PALM2AKAP2: variants seen among roughly 807,000 people sequenced by gnomAD.
The protein encoded by PALM2AKAP2 is PALM2 and AKAP2 fusion.
In PALM2AKAP2, 37 loss-of-function variants were observed where a neutral mutation model predicts 71.5. The ratio of observed to expected loss-of-function variants is 0.52; its 90% CI spans 0.40 to 0.68. The LOEUF (loss-of-function observed/expected upper bound fraction) is 0.68, where lower values mean the gene tolerates loss of function less well. PALM2AKAP2 is among the 30% of genes least tolerant of loss of function. The pLI, the probability that PALM2AKAP2 is intolerant of heterozygous loss-of-function variation, is 0.00. For synonymous variants in PALM2AKAP2, 468 were observed against 478.8 expected (o/e 0.98, Z 0.29); for missense variants, 1,224 against 1,191.8 (o/e 1.03, Z -0.40).
chr9:110,124,235 T>C (rs1388900582), intron 1 of PALM2AKAP2, among the ~76,000 whole-genome samples: 1 of 152,204 alleles, frequency 6.6e-6, no homozygotes, highest in Non-Finnish European at 1.5e-5. Flanking sequence ...AGGACTGCTA[T>C]GCTGGCTGGT....
chr9:110,023,755 G>T (rs1833121974), intron 7 of PALM2AKAP2, among the ~76,000 whole-genome samples: 1 of 151,544 alleles, frequency 6.6e-6, no homozygotes, highest in South Asian at 2.1e-4. Flanking sequence ...ACTTTGGGAG[G>T]CCAAGGTGGG....
At position 109,923,212 on chromosome 9, in the gene PALM2AKAP2, C is replaced by T. The variant is rs182890730; in HGVS notation, c.258-523C>T. Among the ~76,000 whole-genome samples the T allele has an allele frequency of 7.7e-4, 117 of 152,256 alleles. 1 individual carries two copies. The highest frequency in any genetic ancestry group is 2.6e-3 in the African/African-American group (106 of 41,544). ...GCAGTTGCATCTGTCTTCTTCATTT[C>T]CCTTCTTTTTGGCAGTAGAATCCAG... On this transcript the variant is annotated intron_variant, in intron 3 of 9. Transcript: ENST00000302798.
intron 1 of PALM2AKAP2, among the ~76,000 whole-genome samples, chr9:110,093,383 G>A (rs1178926742): frequency 6.6e-6 from 1 of 152,096 alleles, no homozygotes; most frequent in African/African-American, 2.4e-5. Context: ...CTGGTCCTGT[G>A]TCTGTCAAGG....
intron 1 of PALM2AKAP2, among the ~76,000 whole-genome samples, chr9:110,106,739 TGG>T (rs1387287301): frequency 5.3e-5 from 8 of 152,202 alleles, no homozygotes; most frequent in Non-Finnish European, 1.0e-4. Flanking sequence ...TTGCTTTGTA[TGG>T]GTGCACAAGG....
intron 3 of PALM2AKAP2, among the ~76,000 whole-genome samples, chr9:109,880,904 G>T (rs1023671977): frequency 3.3e-5 from 5 of 152,102 alleles, no homozygotes; most frequent in African/African-American, 4.8e-5. Context: ...TTTATTTTAA[G>T]TTTAGGGGTA....
At chr9:110,159,611 T>A in intron 3 of PALM2AKAP2, among the ~76,000 whole-genome samples, 1 of 152,292 alleles carries the variant, frequency 6.6e-6, no homozygotes, top group South Asian at 2.1e-4. Flanking sequence ...GTGTGATATG[T>A]TAGACACAAT....
chr9:110,091,459 CTTTTTTTT>C (rs66848294), intron 1 of PALM2AKAP2, among the ~76,000 whole-genome samples: 1 of 83,656 alleles, frequency 1.2e-5, no homozygotes, highest in Admixed American at 1.7e-4. Flanking sequence ...GAGATTTATT[CTTTTTTTT>C]TTTTTTTTTT....
intron 1 of PALM2AKAP2, among the ~76,000 whole-genome samples, chr9:109,772,208 C>T (rs982333103): frequency 2.0e-5 from 3 of 152,206 alleles, no homozygotes; most frequent in Non-Finnish European, 2.9e-5. Context: ...GTGGAAACAC[C>T]TTCCCTTGTG....
At chr9:109,702,291 C>T (rs746281153) in intron 1 of PALM2AKAP2, among the ~76,000 whole-genome samples, 173 of 152,218 alleles carry the variant, frequency 1.1e-3, no homozygotes, top group Non-Finnish European at 2.1e-3. Flanking sequence ...CATATGCACA[C>T]GTATGTTTTA....
At chr9:110,100,506 A>T (rs965913435) in intron 1 of PALM2AKAP2, among the ~76,000 whole-genome samples, 1 of 152,042 alleles carries the variant, frequency 6.6e-6, no homozygotes, top group Non-Finnish European at 1.5e-5. Flanking sequence ...CTTTGTGTAC[A>T]TGGGGTGAGG....
At chr9:109,891,132 G>A (rs1233630879) in intron 3 of PALM2AKAP2, among the ~76,000 whole-genome samples, 3 of 152,172 alleles carry the variant, frequency 2.0e-5, no homozygotes, top group Non-Finnish European at 1.5e-5. Context: ...CCAGATTCTA[G>A]CTGGAAGGAT....
intron 1 of PALM2AKAP2, among the ~76,000 whole-genome samples, chr9:109,664,921 A>G (rs1827457664): frequency 6.6e-6 from 1 of 151,996 alleles, no homozygotes. Context: ...TTATCACTTC[A>G]TTTCATTAAT....
intron 1 of PALM2AKAP2, among the ~76,000 whole-genome samples, chr9:109,663,705 G>T (rs527639114): frequency 6.6e-6 from 1 of 152,292 alleles, no homozygotes; most frequent in East Asian, 1.9e-4. Flanking sequence ...TATTAGGTCT[G>T]CTTGTTGCAG....
chr9:109,859,827 G>A (rs1211362540), intron 1 of PALM2AKAP2, among the ~76,000 whole-genome samples: 1 of 152,238 alleles, frequency 6.6e-6, no homozygotes, highest in African/African-American at 2.4e-5. Flanking sequence ...TTCTGACCAA[G>A]CCTTTTAAGG....
intron 1 of PALM2AKAP2, among the ~76,000 whole-genome samples, chr9:109,691,032 G>T (rs1048508159): frequency 6.6e-6 from 1 of 152,156 alleles, no homozygotes; most frequent in Non-Finnish European, 1.5e-5. Flanking sequence ...AAGGGGGGAA[G>T]TTGAAGGGGC....
chr9:109,707,419 T>C (rs562109011), intron 1 of PALM2AKAP2, among the ~76,000 whole-genome samples: 1 of 152,180 alleles, frequency 6.6e-6, no homozygotes, highest in East Asian at 1.9e-4. Context: ...AAAGATACAC[T>C]TCAGATACAA....
At chr9:109,702,007 C>T (rs1216899686) in intron 1 of PALM2AKAP2, among the ~76,000 whole-genome samples, 12 of 152,320 alleles carry the variant, frequency 7.9e-5, no homozygotes, top group Non-Finnish European at 1.6e-4. Flanking sequence ...TCATCACTGG[C>T]CATCAGAGAA....
At chr9:109,937,592 G>A (rs983771667) in intron 6 of PALM2AKAP2, among the ~76,000 whole-genome samples, 1 of 152,072 alleles carries the variant, frequency 6.6e-6, no homozygotes, top group African/African-American at 2.4e-5. Flanking sequence ...GGAAGGAGTA[G>A]CAAATATGCT....
At chr9:109,859,327 G>T in intron 1 of PALM2AKAP2, among the ~76,000 whole-genome samples, 1 of 152,180 alleles carries the variant, frequency 6.6e-6, no homozygotes, top group East Asian at 1.9e-4. Context: ...CAATTATACA[G>T]TTAGGTAGAA....
Sources: gnomAD v4.1 joint callset for allele counts (sites outside exome capture counted in the v4.1 genomes callset) on GRCh38, gnomAD v4.1.1 for gene constraint, MANE v1.5 for transcripts, NCBI Gene and HGNC (gene_info 2026-07-23, HGNC 2026-07-21) for gene names.